Variants in CACNG2 observed in about 807,000 individuals in gnomAD.
CACNG2 encodes the protein voltage-dependent calcium channel gamma-2 subunit.
A neutral mutation model predicts 25.9 loss-of-function variants in CACNG2; 3 were observed. That is an observed-to-expected ratio of 0.12 (90% CI 0.05 to 0.30). The LOEUF (loss-of-function observed/expected upper bound fraction) is 0.30, where lower values mean the gene tolerates loss of function less well. CACNG2 is among the 10% of genes least tolerant of loss of function. CACNG2 has a pLI of 1.00. For synonymous variants in CACNG2, 167 were observed against 173.3 expected, an observed-to-expected ratio of 0.96 and a Z score of 0.29; for missense variants, 341 against 432.5, an observed-to-expected ratio of 0.79 and a Z score of 1.88.
chr22:36,624,165 AT>A (rs1455879812), intron 1 of CACNG2, among the ~76,000 whole-genome samples: 1 of 152,214 alleles, frequency 6.6e-6, no homozygotes, highest in Non-Finnish European at 1.5e-5. Flanking sequence ...TTCTAGAATC[AT>A]TTCTAAATCA....
chr22:36,563,645 C>T lies in CACNG2; in HGVS notation c.*706G>A, dbSNP rs181240606. 2.1e-3 allele frequency among the ~76,000 whole-genome samples: 322 copies of T among 152,180 alleles called. 2 individuals carry two copies. Among genetic ancestry groups the T allele is most frequent in the South Asian group, 0.015 (71 of 4,820 alleles). ...TCGGTCACCTGGAGGCCTACGATTG[C>T]CCCATCAATGCTGGGCGGAGCCGGC... is the stretch of plus-strand genomic sequence containing the variant. On this transcript the variant is annotated 3_prime_UTR_variant, in exon 4 of 4. Coordinates refer to ENST00000300105, the MANE Select transcript of CACNG2 (RefSeq NM_006078.5).
intron 1 of CACNG2, among the ~76,000 whole-genome samples, chr22:36,693,904 G>T (rs976910213): frequency 6.6e-6 from 1 of 152,164 alleles, no homozygotes; most frequent in Non-Finnish European, 1.5e-5. Context: ...GTTCACTGGG[G>T]TATCTCCTCT....
Position 36,566,458 on chromosome 22 carries a change from T to C in CACNG2, c.331A>G (p.Ser111Gly), listed in dbSNP as rs1178566630. Reference protein sequence around the residue: ...VRASSIFPILSVILLFMGGLC... With the variant: ...VRASSIFPILGVILLFMGGLC... ...CCACCCATGAAAAGCAGAATCACACTCAGGATTGGGAAAATGCTGGAGGCC... is the reference window on the plus strand; with the variant it reads ...CCACCCATGAAAAGCAGAATCACACCCAGGATTGGGAAAATGCTGGAGGCC... The change falls in exon 3 of 4, where the codon AGT becomes GGT. Residue 111 changes from serine (S) to glycine (G), a missense_variant. Ser to Gly is a moderately conservative substitution (Grantham distance 56). Transcript: ENST00000300105. The C allele has an allele frequency of 6.2e-7, 1 of 1,613,932 alleles. No individual in the cohort carries two copies. The highest frequency in any genetic ancestry group is 1.3e-5 in the African/African-American group (1 of 74,882).
At chr22:36,593,723 G>A (rs1420135552) in intron 1 of CACNG2, among the ~76,000 whole-genome samples, 3 of 152,036 alleles carry the variant, frequency 2.0e-5, no homozygotes, top group Non-Finnish European at 2.9e-5. Context: ...GGAGTGATGG[G>A]GTAAACTGGG....
intron 1 of CACNG2, among the ~76,000 whole-genome samples, chr22:36,693,236 C>T (rs1356594064): frequency 2.0e-5 from 3 of 152,154 alleles, no homozygotes; most frequent in East Asian, 1.9e-4. Context: ...TGAATAGAGA[C>T]TTTCTGTAGC....
rs181049024 is a variant in CACNG2, at chr22:36,614,380, T to C, written c.212-26832A>G. Among the ~76,000 whole-genome samples, 71 of 152,314 alleles carry C rather than the reference T, an allele frequency of 4.7e-4. 1 individual carries two copies. Among genetic ancestry groups the C allele is most frequent in the Admixed American group, 4.0e-3 (61 of 15,290 alleles). ...CCTTGAGGAAGGCTTCCTTGAAGACTGTCCCTTCCCCCACATCACCCCAAA... is the reference window on the plus strand; with the variant it reads ...CCTTGAGGAAGGCTTCCTTGAAGACCGTCCCTTCCCCCACATCACCCCAAA... On this transcript the variant is annotated intron_variant, in intron 1 of 3. Transcript: ENST00000300105.
chr22:36,658,013 A>T (rs73415662), intron 1 of CACNG2, among the ~76,000 whole-genome samples: 15,192 of 152,114 alleles, frequency 0.1, 2,516 homozygotes, highest in African/African-American at 0.35. Context: ...GAGACTTTTC[A>T]CTTCTGGGGG....
chr22:36,630,423 G>C (rs1936250447), intron 1 of CACNG2, among the ~76,000 whole-genome samples: 1 of 152,188 alleles, frequency 6.6e-6, no homozygotes, highest in African/African-American at 2.4e-5. Context: ...CTGAGCACCA[G>C]ATGGATGGTG....
intron 1 of CACNG2, among the ~76,000 whole-genome samples, chr22:36,597,317 C>T (rs1392426465): frequency 6.6e-6 from 1 of 152,184 alleles, no homozygotes; most frequent in Admixed American, 6.5e-5. Flanking sequence ...ACCCACTGTG[C>T]CAGGCCCCTT....
intron 1 of CACNG2, among the ~76,000 whole-genome samples, chr22:36,622,565 T>C (rs1936121750): frequency 6.6e-6 from 1 of 152,158 alleles, no homozygotes; most frequent in African/African-American, 2.4e-5. Flanking sequence ...ATATGCCGGG[T>C]GAAGGCAGAC....
At chr22:36,591,333 G>A (rs907893058) in intron 1 of CACNG2, among the ~76,000 whole-genome samples, 2 of 152,096 alleles carry the variant, frequency 1.3e-5, no homozygotes, top group African/African-American at 2.4e-5. Flanking sequence ...CCGGCCTAAG[G>A]GGGGAGATAT....
At chr22:36,631,020 G>A (rs1569035034) in intron 1 of CACNG2, among the ~76,000 whole-genome samples, 1 of 152,042 alleles carries the variant, frequency 6.6e-6, no homozygotes, top group Non-Finnish European at 1.5e-5. Flanking sequence ...TAGTAGAGAC[G>A]GGGTTTCACT....
intron 1 of CACNG2, among the ~76,000 whole-genome samples, chr22:36,680,668 CTTCATG>C (rs1425981314): frequency 7.4e-6 from 1 of 135,724 alleles, no homozygotes. Flanking sequence ...TCACCACCAT[CTTCATG>C]ATCACTGCCA....
chr22:36,587,585 A>T (rs769885343), intron 1 of CACNG2, 37 bp from the exon 2 acceptor site: 1 of 1,518,370 alleles, frequency 6.6e-7, no homozygotes, highest in East Asian at 2.2e-5. Context: ...ATGAAACATC[A>T]TAGTTTTGGG....
At chr22:36,680,738 A>T (rs1165740823) in intron 1 of CACNG2, among the ~76,000 whole-genome samples, 1 of 37,450 alleles carries the variant, frequency 2.7e-5, no homozygotes, top group Non-Finnish European at 5.7e-5. Context: ...CATCACCATC[A>T]CCACCACCAC....
intron 1 of CACNG2, among the ~76,000 whole-genome samples, chr22:36,594,691 CTGTGTGTGTGTCTG>C (rs60569036): frequency 0.019 from 2,892 of 151,250 alleles, 36 homozygotes; most frequent in Middle Eastern, 0.037. Flanking sequence ...GCGTGTGTGT[CTGTGTGTGTGTCTG>C]TGTGTGTGTG....
chr22:36,572,728 A>T (rs1603500426), intron 2 of CACNG2, among the ~76,000 whole-genome samples: 1 of 151,680 alleles, frequency 6.6e-6, no homozygotes, highest in African/African-American at 2.4e-5. Flanking sequence ...AAAAAAAAAA[A>T]TCAGGTGGTG....
chr22:36,613,020 C>T (rs1400774073), intron 1 of CACNG2, among the ~76,000 whole-genome samples: 1 of 152,162 alleles, frequency 6.6e-6, no homozygotes, highest in Non-Finnish European at 1.5e-5. Context: ...TTGGGAAATG[C>T]TGAACAAGGG....
chr22:36,640,341 T>C (rs1040875102), intron 1 of CACNG2, among the ~76,000 whole-genome samples: 4 of 152,242 alleles, frequency 2.6e-5, no homozygotes, highest in African/African-American at 7.2e-5. Context: ...AAGCAAGGGC[T>C]GGAGGGAGAT....
Sources: gnomAD v4.1 joint callset for allele counts (sites outside exome capture counted in the v4.1 genomes callset) on GRCh38, gnomAD v4.1.1 for gene constraint, MANE v1.5 for transcripts, NCBI Gene and HGNC (gene_info 2026-07-23, HGNC 2026-07-21) for gene names.